The following ROMO1 variants were observed in gnomAD, a reference collection of about 807,000 sequenced individuals.
ROMO1 encodes reactive oxygen species modulator 1, also known as PCM19.
Under a neutral mutation model 7.4 loss-of-function variants are expected in ROMO1, and 8 were observed. That is an observed-to-expected ratio of 1.08 (90% CI 0.63 to 1.95). ROMO1 has a LOEUF of 1.95. Among genes scored for constraint, ROMO1 ranks in the 30% most tolerant of loss-of-function variants. The probability of loss-of-function intolerance (pLI) is 0.00; values close to 1 mark genes in which losing one functional copy is unlikely to be tolerated. For synonymous variants in ROMO1, 43 were observed against 41.4 expected, an observed-to-expected ratio of 1.04 and a Z score of -0.15; for missense variants, 91 against 115.9, an observed-to-expected ratio of 0.79 and a Z score of 0.99.
At position 35,699,780 on chromosome 20, in the gene ROMO1, G is replaced by T; in HGVS notation, c.131+17G>T. On this transcript the variant is annotated intron_variant, in intron 2 of 2. Transcript: ENST00000374077. This position sits in a 1 kb window ranked among gnomAD's most constrained non-coding sequence, Gnocchi z 4.4. The stretch of plus-strand genomic sequence containing the variant: ...CTGTCTCAGGTGAGGGGCGCGGGCG[G>T]TGATCTCTGGGCAGGACAACCAGAC... 1.9e-6 allele frequency: 3 copies of T among 1,600,864 alleles called. No individual in the cohort carries two copies. Among genetic ancestry groups the T allele is most frequent in the Non-Finnish European group, 8.5e-7 (1 of 1,177,386 alleles).
At position 35,700,977 on chromosome 20, in the gene ROMO1, A is replaced by C. The variant is rs73905937; in HGVS notation, c.*71A>C. Reference sequence around the variant, plus strand: ...ATGTACTAATAAAAGAAAGTCTTTGAGTAGTCAGTGTCCCTCTCTTAAAGG... The same window carrying C: ...ATGTACTAATAAAAGAAAGTCTTTGCGTAGTCAGTGTCCCTCTCTTAAAGG... On this transcript the variant is annotated 3_prime_UTR_variant, in exon 3 of 3. Coordinates refer to ENST00000374077, the MANE Select transcript of ROMO1 (RefSeq NM_080748.3). The C allele has an allele frequency of 2.6e-4, 288 of 1,088,738 alleles. No homozygotes were observed. In the African/African-American group the frequency reaches 4.0e-3, roughly 15 times the overall value. The allele number at this position is 1,088,738 out of a possible 1,614,324, so 67.4% of individuals were successfully genotyped here. A position where few individuals can be genotyped will look rare whatever the true frequency, so the allele number is the denominator to read the frequency against.
Position 35,700,792 on chromosome 20 carries a change from C to T in ROMO1, c.132-6C>T, listed in dbSNP as rs2035250864. On this transcript the variant is annotated splice_polypyrimidine_tract_variant and splice_region_variant and intron_variant, in intron 2 of 2. Transcript: ENST00000374077. The stretch of plus-strand genomic sequence containing the variant: ...CCAAATAGCTCCATCTTGGTTTCCT[C>T]CTCAGGATCGGAATGCGGGGTCGAG... 3 of 1,613,276 alleles carry T rather than the reference C, an allele frequency of 1.9e-6. No individual in the cohort carries two copies. The highest frequency in any genetic ancestry group is 1.7e-6 in the Non-Finnish European group (2 of 1,179,330).
Position 35,699,569 on chromosome 20 carries a change from C to T in ROMO1, c.1-64C>T. On this transcript the variant is annotated intron_variant, in intron 1 of 2. Coordinates refer to ENST00000374077, the MANE Select transcript of ROMO1 (RefSeq NM_080748.3). The surrounding 1 kb of genome is among the most constrained non-coding windows in gnomAD (Gnocchi z 4.4). ...GCCCTTGGGCCCACTTCCCAGCCTA[C>T]CGCTTCCGTCCCCGCCCGACTCTTG... The T allele has an allele frequency of 1.3e-6, 2 of 1,599,418 alleles. No individual in the cohort carries two copies. The highest frequency in any genetic ancestry group is 1.7e-6 in the Non-Finnish European group (2 of 1,177,498).
In ROMO1 at chr20:35,699,889, C is replaced by G; in HGVS notation, c.131+126C>G. 1 of 1,281,430 alleles carries G rather than the reference C, an allele frequency of 7.8e-7. No individual in the cohort carries two copies. The highest frequency in any genetic ancestry group is 1.1e-6 in the Non-Finnish European group (1 of 944,604). The allele number at this position is 1,281,430 out of a possible 1,614,324, so 79.4% of individuals were successfully genotyped here. ...CCTCTCTGTCCCCTCGCGAGCCAGACTCATTCCAAACCACCTTCAATCTGT... is the reference window on the plus strand; with the variant it reads ...CCTCTCTGTCCCCTCGCGAGCCAGAGTCATTCCAAACCACCTTCAATCTGT... On this transcript the variant is annotated intron_variant, in intron 2 of 2. Coordinates refer to ENST00000374077, the MANE Select transcript of ROMO1 (RefSeq NM_080748.3). The surrounding 1 kb of genome is among the most constrained non-coding windows in gnomAD (Gnocchi z 4.4).
Position 35,699,586 on chromosome 20 carries a change from C to T in ROMO1, c.1-47C>T, listed in dbSNP as rs748211471. 6.2e-7 allele frequency: 1 copy of T among 1,605,610 alleles called. No homozygotes were observed. The highest frequency in any genetic ancestry group is 1.7e-5 in the Admixed American group (1 of 59,858). ...CCAGCCTACCGCTTCCGTCCCCGCC[C>T]GACTCTTGGGCCAGCGCCTGGGCCC... On this transcript the variant is annotated intron_variant, in intron 1 of 2. Coordinates refer to ENST00000374077, the MANE Select transcript of ROMO1 (RefSeq NM_080748.3). The surrounding 1 kb of genome is among the most constrained non-coding windows in gnomAD (Gnocchi z 4.4).
rs1355546897 is a variant in ROMO1 at position 35,699,757 on chromosome 20, GTC to G, written c.128_129del (p.Leu43GlnfsTer61). On this transcript the variant is annotated frameshift_variant, in exon 2 of 3. Coordinates refer to ENST00000374077, the MANE Select transcript of ROMO1 (RefSeq NM_080748.3). LOFTEE classifies it high-confidence loss of function. The surrounding 1 kb of genome is among the most constrained non-coding windows in gnomAD (Gnocchi z 4.4). The stretch of plus-strand genomic sequence containing the variant: ...GGGGCGCTCTTCGGCACCTTTTCCT[GTC>G]TCAGGTGAGGGGCGCGGGCGGTGAT... The G allele has an allele frequency of 6.2e-7, 1 of 1,608,936 alleles. No homozygotes were observed. Among genetic ancestry groups the G allele is most frequent in the Non-Finnish European group, 8.5e-7 (1 of 1,179,602 alleles).
rs775360885 is a variant in ROMO1, at chr20:35,699,851, T to G, written c.131+88T>G. 3.0e-5 allele frequency: 44 copies of G among 1,456,010 alleles called. No homozygotes were observed. The East Asian group carries it at 1.1e-3, about 35-fold the overall frequency. The allele number at this position is 1,456,010 out of a possible 1,614,324, so 90.2% of individuals were successfully genotyped here. On this transcript the variant is annotated intron_variant, in intron 2 of 2. Coordinates refer to ENST00000374077, the MANE Select transcript of ROMO1 (RefSeq NM_080748.3). The surrounding 1 kb of genome is among the most constrained non-coding windows in gnomAD (Gnocchi z 4.4). Reference sequence around the variant, plus strand: ...GGCCTGGAGCCTGAACACAGCCTCCTTCTTTCGACTTCCCTCTCTGTCCCC... The same window carrying G: ...GGCCTGGAGCCTGAACACAGCCTCCGTCTTTCGACTTCCCTCTCTGTCCCC...
In ROMO1 at chr20:35,699,622, A is replaced by C. The variant is rs749548935; in HGVS notation, c.1-11A>C. Reference sequence around the variant, plus strand: ...CCAGCGCCTGGGCCCACACTTTCCTATCCCCCGCAGATGCCGGTGGCCGTG... The same window carrying C: ...CCAGCGCCTGGGCCCACACTTTCCTCTCCCCCGCAGATGCCGGTGGCCGTG... On this transcript the variant is annotated splice_polypyrimidine_tract_variant and intron_variant, in intron 1 of 2. Coordinates refer to ENST00000374077, the MANE Select transcript of ROMO1 (RefSeq NM_080748.3). The surrounding 1 kb of genome is among the most constrained non-coding windows in gnomAD (Gnocchi z 4.4). 5 of 1,612,020 alleles carry C rather than the reference A, an allele frequency of 3.1e-6. No individual in the cohort carries two copies. The South Asian group carries it at 5.5e-5, about 18-fold the overall frequency.
rs759167500 is a variant in ROMO1, at chr20:35,700,809, G to C, written c.143G>C (p.Arg48Pro). 2 of 1,614,110 alleles carry C rather than the reference G, an allele frequency of 1.2e-6. No homozygotes were observed. The highest frequency in any genetic ancestry group is 1.7e-6 in the Non-Finnish European group (2 of 1,179,964). Residue 48 changes from arginine to proline, a missense_variant, in exon 3 of 3, where the codon CGG becomes CCG. Transcript: ENST00000374077. ...GGTTTCCTCCTCAGGATCGGAATGC[G>C]GGGTCGAGAGCTGATGGGCGGCATT... ...GTFSCLRIGM[R>P]GRELMGGIGK...
chr20:35,700,784 G>C lies in ROMO1; in HGVS notation c.132-14G>C, dbSNP rs1219187462. ...TTTTGTTACCAAATAGCTCCATCTT[G>C]GTTTCCTCCTCAGGATCGGAATGCG... On this transcript the variant is annotated splice_polypyrimidine_tract_variant and intron_variant, in intron 2 of 2. Transcript: ENST00000374077. 9.9e-6 allele frequency: 16 copies of C among 1,610,052 alleles called. No individual in the cohort carries two copies. The highest frequency in any genetic ancestry group is 1.3e-5 in the Non-Finnish European group (15 of 1,176,280).
Position 35,699,421 on chromosome 20 carries a change from G to C in ROMO1, c.-36G>C. Reference sequence around the variant, plus strand: ...CTCCCCGTCGTTTTCCGTGAGAGACGTAGAGCTGAGCGACCCAGCCCGCGA... The same window carrying C: ...CTCCCCGTCGTTTTCCGTGAGAGACCTAGAGCTGAGCGACCCAGCCCGCGA... On this transcript the variant is annotated 5_prime_UTR_variant, in exon 1 of 3. Transcript: ENST00000374077. This position sits in a 1 kb window ranked among gnomAD's most constrained non-coding sequence, Gnocchi z 4.4. 1 of 1,195,322 alleles carries C rather than the reference G, an allele frequency of 8.4e-7. No individual in the cohort carries two copies. The highest frequency in any genetic ancestry group is 1.1e-6 in the Non-Finnish European group (1 of 883,722). 74.0% of individuals were successfully genotyped at this position (1,195,322 alleles called of 1,614,324 possible). A position where few individuals can be genotyped will look rare whatever the true frequency, so the allele number is the denominator to read the frequency against.
chr20:35,699,555 C>T lies in ROMO1; in HGVS notation c.1-78C>T. The T allele has an allele frequency of 6.3e-7, 1 of 1,586,118 alleles. No individual in the cohort carries two copies. Among genetic ancestry groups the T allele is most frequent in the East Asian group, 2.2e-5 (1 of 44,698 alleles). ...CTTACTTCCCCTGAGCCCTTGGGCC[C>T]ACTTCCCAGCCTACCGCTTCCGTCC... On this transcript the variant is annotated intron_variant, in intron 1 of 2. Coordinates refer to ENST00000374077, the MANE Select transcript of ROMO1 (RefSeq NM_080748.3). The surrounding 1 kb of genome is among the most constrained non-coding windows in gnomAD (Gnocchi z 4.4).
At position 35,700,938 on chromosome 20, in the gene ROMO1, A is replaced by G. The variant is rs1285751909; in HGVS notation, c.*32A>G. 3 of 1,463,384 alleles carry G rather than the reference A, an allele frequency of 2.1e-6. No individual in the cohort carries two copies. Among genetic ancestry groups the G allele is most frequent in the Admixed American group, 1.7e-5 (1 of 59,854 alleles). The allele number at this position is 1,463,384 out of a possible 1,614,324, so 90.6% of individuals were successfully genotyped here. A position where few individuals can be genotyped will look rare whatever the true frequency, so the allele number is the denominator to read the frequency against. On this transcript the variant is annotated 3_prime_UTR_variant, in exon 3 of 3. Coordinates refer to ENST00000374077, the MANE Select transcript of ROMO1 (RefSeq NM_080748.3). The stretch of plus-strand genomic sequence containing the variant: ...TTGCCAACTACATCTGTCCCTTCCC[A>G]TCAATCCCAGCCCATGTACTAATAA...
rs1165823418 is a variant in ROMO1 at position 35,699,806 on chromosome 20, C to T, written c.131+43C>T. On this transcript the variant is annotated intron_variant, in intron 2 of 2. Transcript: ENST00000374077. The surrounding 1 kb of genome is among the most constrained non-coding windows in gnomAD (Gnocchi z 4.4). Reference sequence around the variant, plus strand: ...TGATCTCTGGGCAGGACAACCAGACCTTCCGGCCCTGCCCCATTCGGCCTG... The same window carrying T: ...TGATCTCTGGGCAGGACAACCAGACTTTCCGGCCCTGCCCCATTCGGCCTG... 1 of 1,579,482 alleles carries T rather than the reference C, an allele frequency of 6.3e-7. No individual in the cohort carries two copies. The highest frequency in any genetic ancestry group is 1.7e-5 in the Admixed American group (1 of 58,468).
chr20:35,700,328 G>C (rs6060567), intron 2 of ROMO1, among the ~76,000 whole-genome samples: 28,432 of 152,036 alleles, frequency 0.19, 3,061 homozygotes, highest in African/African-American at 0.31. Context: ...CTTACTCTAT[G>C]TTAAGCACTG....
chr20:35,700,105 G>A (rs544206072), intron 2 of ROMO1, among the ~76,000 whole-genome samples: 1 of 152,190 alleles, frequency 6.6e-6, no homozygotes, highest in Admixed American at 6.5e-5. Context: ...CACAGCATCT[G>A]GCACATATTA....
chr20:35,700,283 A>G (rs1339166230), intron 2 of ROMO1, among the ~76,000 whole-genome samples: 1 of 152,168 alleles, frequency 6.6e-6, no homozygotes, highest in African/African-American at 2.4e-5. Context: ...TGTTATTGCC[A>G]TATCCCTAGA....
chr20:35,699,490 A>G lies in ROMO1; in HGVS notation c.-1+34A>G. On this transcript the variant is annotated intron_variant, in intron 1 of 2. Coordinates refer to ENST00000374077, the MANE Select transcript of ROMO1 (RefSeq NM_080748.3). This position sits in a 1 kb window ranked among gnomAD's most constrained non-coding sequence, Gnocchi z 4.4. ...CGGGCGACGCGGGGCCGGAACGCGA[A>G]GAGGGTGGTGGAGTCGGGCTACCCA... The G allele has an allele frequency of 7.8e-7, 1 of 1,287,972 alleles. No homozygotes were observed. The highest frequency in any genetic ancestry group is 1.1e-6 in the Non-Finnish European group (1 of 937,046). The allele number at this position is 1,287,972 out of a possible 1,614,324, so 79.8% of individuals were successfully genotyped here.
In ROMO1 at chr20:35,699,964, A is replaced by C. The variant is rs762710907; in HGVS notation, c.131+201A>C. On this transcript the variant is annotated intron_variant, in intron 2 of 2. Coordinates refer to ENST00000374077, the MANE Select transcript of ROMO1 (RefSeq NM_080748.3). The surrounding 1 kb of genome is among the most constrained non-coding windows in gnomAD (Gnocchi z 4.4). ...CTTAAGAATTTGAGCTTTAGAGTCA[A>C]AATGCTTTCTGGCCCTTTTCTTACT... Among the ~76,000 whole-genome samples, 12 of 152,196 alleles carry C rather than the reference A, an allele frequency of 7.9e-5. No individual in the cohort carries two copies. Among genetic ancestry groups the C allele is most frequent in the Non-Finnish European group, 1.3e-4 (9 of 68,040 alleles).
Sources: allele counts gnomAD v4.1 joint callset (sites outside exome capture counted in the v4.1 genomes callset), GRCh38; gene constraint gnomAD v4.1.1; non-coding constraint Gnocchi (gnomAD v3.1); transcripts MANE v1.5; gene names NCBI Gene and HGNC (gene_info 2026-07-23, HGNC 2026-07-21).